The following SERINC5 variants were observed in gnomAD, a reference collection of about 807,000 sequenced individuals.
SERINC5 encodes chromosome 5 open reading frame 12.
SERINC5 carries 41 observed loss-of-function variants against 63.1 expected under a neutral mutation model. The observed-to-expected ratio is 0.65, with a 90% CI of 0.51 to 0.84. The LOEUF is 0.84. SERINC5 is among the 40% of genes least tolerant of loss of function. SERINC5 has a pLI of 0.00. For synonymous variants in SERINC5, 222 were observed against 215.2 expected (o/e 1.03, Z -0.28); for missense variants, 523 against 573.0 (o/e 0.91, Z 0.89).
intron 1 of SERINC5, among the ~76,000 whole-genome samples, chr5:80,228,367 A>C (rs1751269910): frequency 6.6e-6 from 1 of 152,076 alleles, no homozygotes; most frequent in South Asian, 2.1e-4. Flanking sequence ...CATAAAACAG[A>C]GTGAAAACTG....
In SERINC5 at chr5:80,150,896, C is replaced by G. The variant is rs1461298823; in HGVS notation, c.1039G>C (p.Ala347Pro). Residue 347 changes from alanine to proline, a missense_variant, in exon 9 of 12, where the codon GCT (alanine) becomes CCT (proline). By Grantham distance (27) the Ala-to-Pro change is conservative. Transcript: ENST00000507668. ...SSDALQGRYAAPELEIARCCF... is the reference protein window; with the variant it reads ...SSDALQGRYAPPELEIARCCF... ...AATGAACTTACCTCCAATTCAGGAG[C>G]TGCGTATCGCCCCTGCAGAGCGTCA... 1.2e-5 allele frequency: 19 copies of G among 1,612,434 alleles called. No homozygotes were observed. Among genetic ancestry groups the G allele is most frequent in the Non-Finnish European group, 1.5e-5 (18 of 1,178,568 alleles).
chr5:80,147,464 G>GAT (rs1745895964), intron 9 of SERINC5, among the ~76,000 whole-genome samples, 180 bp from the exon 10 acceptor site: 1 of 152,216 alleles, frequency 6.6e-6, no homozygotes, highest in Admixed American at 6.5e-5. Flanking sequence ...GTGCCACAGA[G>GAT]ATCCTCATCC....
chr5:80,155,572 CAA>C (rs758862000), intron 8 of SERINC5, among the ~76,000 whole-genome samples: 2 of 117,606 alleles, frequency 1.7e-5, no homozygotes, highest in African/African-American at 7.4e-5. Context: ...AACTCCGTCT[CAA>C]AAAAAAAAAG....
In SERINC5 at chr5:80,142,484, TC is replaced by T. The variant is rs1745570617; in HGVS notation, c.*1178del. On this transcript the variant is annotated 3_prime_UTR_variant, in exon 12 of 12. Transcript: ENST00000507668. ...CCTGACCTCAAGTGATCCGCCTGCC[TC>T]TGCGCACCTCTTTTTAAGTATATTC... 1.0e-6 allele frequency: 1 copy of T among 985,008 alleles called. No individual in the cohort carries two copies. Among genetic ancestry groups the T allele is most frequent in the African/African-American group, 1.7e-5 (1 of 57,216 alleles). 61.0% of individuals were successfully genotyped at this position (985,008 alleles called of 1,614,324 possible). A position where few individuals can be genotyped will look rare whatever the true frequency, so the allele number is the denominator to read the frequency against.
intron 11 of SERINC5, among the ~76,000 whole-genome samples, chr5:80,113,898 G>GC (rs977534751): frequency 7.2e-5 from 11 of 151,726 alleles, no homozygotes; most frequent in African/African-American, 1.2e-4. Context: ...CATGCTGTGT[G>GC]CCCCCCCACC....
downstream of SERINC5, among the ~76,000 whole-genome samples, chr5:80,133,798 A>G (rs1160277598): frequency 6.6e-6 from 1 of 152,204 alleles, no homozygotes; most frequent in Non-Finnish European, 1.5e-5. Flanking sequence ...CAGTCTCCCT[A>G]AAGACTTGGG....
chr5:80,211,613 A>G (rs1245376874), intron 1 of SERINC5, among the ~76,000 whole-genome samples: 1 of 152,240 alleles, frequency 6.6e-6, no homozygotes, highest in Admixed American at 6.5e-5. Flanking sequence ...GCCTTGGAGC[A>G]GTCTAACAGA....
chr5:80,203,754 G>A (rs1243635607), intron 1 of SERINC5, among the ~76,000 whole-genome samples: 5 of 152,136 alleles, frequency 3.3e-5, no homozygotes, highest in East Asian at 1.9e-4. Flanking sequence ...AGAGTATTTC[G>A]TTACTAATGC....
chr5:80,242,609 G>A (rs1239724987), intron 1 of SERINC5, among the ~76,000 whole-genome samples: 1 of 152,192 alleles, frequency 6.6e-6, no homozygotes, highest in Non-Finnish European at 1.5e-5. Context: ...AATTAGCCAA[G>A]TGTAGTGGCA....
intron 8 of SERINC5, among the ~76,000 whole-genome samples, chr5:80,155,615 C>T (rs1183178095): frequency 6.8e-6 from 1 of 147,862 alleles, no homozygotes; most frequent in Non-Finnish European, 1.5e-5. Context: ...AGAGAGAAAA[C>T]CATCAGAATG....
At position 80,197,077 on chromosome 5, in the gene SERINC5, G is replaced by A. The variant is rs187615171; in HGVS notation, c.195+5809C>T. Among the ~76,000 whole-genome samples, 73 of 152,124 alleles carry A rather than the reference G, an allele frequency of 4.8e-4. 1 individual carries two copies. The highest frequency in any genetic ancestry group is 4.5e-3 in the East Asian group (23 of 5,144). On this transcript the variant is annotated intron_variant, in intron 2 of 11. Coordinates refer to ENST00000507668, the MANE Select transcript of SERINC5 (RefSeq NM_001174072.3). ...AAAACATGCTAAGTGGGCCAGGTGC[G>A]GTGGCTCACGCCTGTAATCCCAGCA...
intron 6 of SERINC5, among the ~76,000 whole-genome samples, chr5:80,168,546 GCTGTACATTTATTGC>G (rs993941031): frequency 1.3e-5 from 2 of 152,144 alleles, no homozygotes; most frequent in East Asian, 1.9e-4. Flanking sequence ...ATTCAAGGGG[GCTGTACATTTATTGC>G]CTGTATTTTC....
At chr5:80,186,126 G>GAAAAA (rs10554934) in intron 2 of SERINC5, among the ~76,000 whole-genome samples, 1 of 61,436 alleles carries the variant, frequency 1.6e-5, no homozygotes, top group Non-Finnish European at 3.2e-5. Context: ...TTCTTGTTTT[G>GAAAAA]AAAAAAAAAA....
intron 9 of SERINC5, among the ~76,000 whole-genome samples, chr5:80,150,284 GT>G (rs1746088956): frequency 6.6e-6 from 1 of 152,156 alleles, no homozygotes; most frequent in Non-Finnish European, 1.5e-5. Context: ...AGAGCGCAGG[GT>G]GCAGCCTGAC....
chr5:80,186,126 GAAAAAAAAAAAAAAAAAAAA>G (rs10554934), intron 2 of SERINC5, among the ~76,000 whole-genome samples: 2 of 61,408 alleles, frequency 3.3e-5, no homozygotes, highest in Non-Finnish European at 6.3e-5. Context: ...TTCTTGTTTT[GAAAAAAAAAAAAAAAAAAAA>G]AAAAAAAAAG....
intron 1 of SERINC5, among the ~76,000 whole-genome samples, chr5:80,238,235 G>T (rs115812575): frequency 1.3e-5 from 2 of 151,348 alleles, no homozygotes. Flanking sequence ...GCCAGAAGCC[G>T]CTGCTAGGCA....
chr5:80,176,015 C>A (rs1748009681), intron 4 of SERINC5, among the ~76,000 whole-genome samples: 1 of 151,908 alleles, frequency 6.6e-6, no homozygotes, highest in South Asian at 2.1e-4. Context: ...CCCGTCTCTA[C>A]TAAAAATACA....
chr5:80,200,157 T>G (rs1358893198), intron 2 of SERINC5, among the ~76,000 whole-genome samples: 1 of 148,558 alleles, frequency 6.7e-6, no homozygotes, highest in Admixed American at 6.8e-5. Context: ...GACTCGTAAT[T>G]TCTGCCTTGT....
chr5:80,248,769 C>G (rs561042813), intron 1 of SERINC5, among the ~76,000 whole-genome samples: 21 of 152,282 alleles, frequency 1.4e-4, no homozygotes, highest in African/African-American at 4.8e-4. Flanking sequence ...CACCATCATA[C>G]AGCAGGAAAA....
Sources: gnomAD v4.1 joint callset for allele counts (sites outside exome capture counted in the v4.1 genomes callset) on GRCh38, gnomAD v4.1.1 for gene constraint, MANE v1.5 for transcripts, NCBI Gene and HGNC (gene_info 2026-07-23, HGNC 2026-07-21) for gene names.